STARD13: variants seen among roughly 807,000 people sequenced by gnomAD.
STARD13 encodes StAR related lipid transfer domain containing 13, also known as stAR-related lipid transfer protein 13.
Under a neutral mutation model 106.4 loss-of-function variants are expected in STARD13, and 62 were observed. That is an observed-to-expected ratio of 0.58 (90% CI 0.48 to 0.72). The LOEUF is 0.72. STARD13 is among the 30% of genes least tolerant of loss of function. The pLI, the probability that STARD13 is intolerant of heterozygous loss-of-function variation, is 0.00. For missense variants in STARD13, 1,387 were observed against 1,424.0 expected, an observed-to-expected ratio of 0.97 and a Z score of 0.42; for synonymous variants, 565 against 553.0, an observed-to-expected ratio of 1.02 and a Z score of -0.31.
chr13:33,381,828 A>G, the STARD13 span, among the ~76,000 whole-genome samples: 1 of 152,236 alleles, frequency 6.6e-6, no homozygotes, highest in Non-Finnish European at 1.5e-5. Flanking sequence ...ATTACTTTCA[A>G]GTGTTTTCAA....
chr13:33,528,731 C>T, the STARD13 span, among the ~76,000 whole-genome samples: 2 of 152,070 alleles, frequency 1.3e-5, no homozygotes, highest in Non-Finnish European at 2.9e-5. Context: ...TTCATACTTC[C>T]TAGTGCTGGT....
At chr13:33,589,709 T>G in the STARD13 span, among the ~76,000 whole-genome samples, 1 of 152,196 alleles carries the variant, frequency 6.6e-6, no homozygotes, top group South Asian at 2.1e-4. Context: ...GAGGAGTGCT[T>G]TATTTTCAAC....
At chr13:33,271,824 A>C (rs974939369) in intron 1 of STARD13, among the ~76,000 whole-genome samples, 1 of 152,080 alleles carries the variant, frequency 6.6e-6, no homozygotes, top group African/African-American at 2.4e-5. Flanking sequence ...AAAAAGCATA[A>C]AACATACAAA....
chr13:33,576,715 A>G, the STARD13 span, among the ~76,000 whole-genome samples: 5 of 152,182 alleles, frequency 3.3e-5, no homozygotes, highest in African/African-American at 1.2e-4. Flanking sequence ...TTTTTTCACC[A>G]AAGATAGGTG....
the STARD13 span, among the ~76,000 whole-genome samples, chr13:33,659,223 T>TCTTC: frequency 2.3e-5 from 1 of 43,304 alleles, no homozygotes; most frequent in African/African-American, 4.9e-5. Flanking sequence ...GTTTTTTCTT[T>TCTTC]TTTTTTTTTT....
At chr13:33,173,396 A>G (rs1303262975) in intron 1 of STARD13, among the ~76,000 whole-genome samples, 1 of 152,216 alleles carries the variant, frequency 6.6e-6, no homozygotes, top group Non-Finnish European at 1.5e-5. Context: ...CAATGATGCA[A>G]TCATTAATAT....
At chr13:33,614,490 C>T in the STARD13 span, among the ~76,000 whole-genome samples, 2 of 152,220 alleles carry the variant, frequency 1.3e-5, no homozygotes, top group African/African-American at 4.8e-5. Flanking sequence ...CTGTGTCCAC[C>T]CTTCCGCATG....
At chr13:33,616,376 G>C in the STARD13 span, among the ~76,000 whole-genome samples, 2 of 152,208 alleles carry the variant, frequency 1.3e-5, no homozygotes, top group Admixed American at 1.3e-4. Context: ...GCAGTGTGCT[G>C]GTGGTTTTAG....
At chr13:33,583,614 T>C in the STARD13 span, among the ~76,000 whole-genome samples, 1 of 152,180 alleles carries the variant, frequency 6.6e-6, no homozygotes. Flanking sequence ...CACTTCCTTA[T>C]TTCCATTCTT....
rs374359097 is a variant in STARD13, at chr13:33,130,231, G to C, written c.446C>G (p.Thr149Ser). Residue 149 changes from threonine (T) to serine (S), a missense_variant, in exon 5 of 14, where the codon ACC becomes AGC. Physicochemically the swap from Thr to Ser is moderately conservative, Grantham distance 58 (BLOSUM62 1). Transcript: ENST00000336934. The surrounding 1 kb of genome is among the most constrained non-coding windows in gnomAD (Gnocchi z 4.1). ...GTCCACACGAGACCACCTGCGACTG[G>C]TTCTTTGGAAAGTCCATTTGTTGCT... Reference protein sequence around the residue: ...CISNKWTFQRTSRRWSRVDDL... With the variant: ...CISNKWTFQRSSRRWSRVDDL... The C allele has an allele frequency of 2.4e-5, 39 of 1,609,080 alleles. No individual in the cohort carries two copies. Among genetic ancestry groups the C allele is most frequent in the Non-Finnish European group, 3.3e-5 (39 of 1,180,016 alleles).
intron 1 of STARD13, among the ~76,000 whole-genome samples, chr13:33,173,757 C>T (rs1884227278): frequency 6.6e-6 from 1 of 152,288 alleles, no homozygotes; most frequent in East Asian, 1.9e-4. Context: ...TAAACACCCA[C>T]TTTATCTATC....
At chr13:33,310,738 G>T (rs1893098627) in intron 1 of STARD13, among the ~76,000 whole-genome samples, 1 of 152,112 alleles carries the variant, frequency 6.6e-6, no homozygotes, top group African/African-American at 2.4e-5. Context: ...GTAGAAAGTA[G>T]TCATGCATCA....
chr13:33,459,199 T>C, the STARD13 span, among the ~76,000 whole-genome samples: 2 of 152,120 alleles, frequency 1.3e-5, no homozygotes, highest in African/African-American at 4.8e-5. Context: ...GTAATAAACA[T>C]CTCTTCCCTC....
chr13:33,281,817 C>T (rs1034036861), intron 1 of STARD13, among the ~76,000 whole-genome samples: 2 of 151,782 alleles, frequency 1.3e-5, no homozygotes, highest in African/African-American at 2.4e-5. Flanking sequence ...TGCCAAAGGC[C>T]GAGAGGAGGA....
chr13:33,246,345 T>C (rs750010568), intron 1 of STARD13, among the ~76,000 whole-genome samples: 16 of 152,192 alleles, frequency 1.1e-4, no homozygotes, highest in Non-Finnish European at 1.9e-4. Context: ...TCACTTTCTA[T>C]GCACCTAATG....
At chr13:33,108,383 T>C (rs1874060048) in intron 12 of STARD13, among the ~76,000 whole-genome samples, 1 of 152,170 alleles carries the variant, frequency 6.6e-6, no homozygotes, top group Admixed American at 6.5e-5. Flanking sequence ...CTCTTCTCCT[T>C]CAGGGCCACA....
the STARD13 span, chr13:33,383,816 T>C: frequency 6.7e-6 from 1 of 149,318 alleles, no homozygotes; most frequent in Non-Finnish European, 1.5e-5. Flanking sequence ...ATTCCCTTTC[T>C]AGTCATCTGC....
the STARD13 span, among the ~76,000 whole-genome samples, chr13:33,470,502 G>A: frequency 5.3e-5 from 8 of 152,166 alleles, no homozygotes; most frequent in South Asian, 1.0e-3. Flanking sequence ...TCGCCACACT[G>A]TCTTCCACAA....
the STARD13 span, among the ~76,000 whole-genome samples, chr13:33,360,386 A>G: frequency 6.6e-6 from 1 of 151,866 alleles, no homozygotes; most frequent in Non-Finnish European, 1.5e-5. Context: ...TTGTATTTTT[A>G]GTAGAGACAG....
Sources: gnomAD v4.1 joint callset for allele counts (sites outside exome capture counted in the v4.1 genomes callset) on GRCh38, gnomAD v4.1.1 for gene constraint, Gnocchi (gnomAD v3.1) non-coding constraint, MANE v1.5 for transcripts, NCBI Gene and HGNC (gene_info 2026-07-23, HGNC 2026-07-21) for gene names.